CSPP1: variants seen among roughly 807,000 people sequenced by gnomAD.
CSPP1 encodes the protein centrosome and spindle pole associated protein 1.
A neutral mutation model predicts 164.4 loss-of-function variants in CSPP1; 126 were observed. That is an observed-to-expected ratio of 0.77 (90% CI 0.66 to 0.89). The LOEUF is 0.89. CSPP1 is among the 40% of genes least tolerant of loss of function. CSPP1 has a pLI of 0.00. For synonymous variants in CSPP1, 472 were observed against 476.7 expected (o/e 0.99, Z 0.13); for missense variants, 1,395 against 1,449.8 (o/e 0.96, Z 0.61).
At chr8:67,161,537 GCTTTA>G (rs1490311182) in intron 21 of CSPP1, among the ~76,000 whole-genome samples, 2 of 151,428 alleles carry the variant, frequency 1.3e-5, no homozygotes, top group Non-Finnish European at 2.9e-5. Context: ...CTTTTTTGTT[GCTTTA>G]CTTGTGTTTG....
At chr8:67,186,959 AATCT>A (rs1347959989) in intron 28 of CSPP1, among the ~76,000 whole-genome samples, 22 of 148,398 alleles carry the variant, frequency 1.5e-4, no homozygotes, top group African/African-American at 3.0e-4. Flanking sequence ...CTGAGGTATA[AATCT>A]ATCTATCATC....
chr8:67,112,191 ATC>A (rs1220303430), intron 10 of CSPP1, 126 bp downstream of exon 10: 1 of 551,082 alleles, frequency 1.8e-6, no homozygotes, highest in Non-Finnish European at 3.2e-6. Context: ...TTATATTTTC[ATC>A]TCTACATGCT....
intron 7 of CSPP1, among the ~76,000 whole-genome samples, chr8:67,100,481 T>C (rs1813822430): frequency 6.6e-6 from 1 of 152,142 alleles, no homozygotes. Context: ...ACAAGCCCTA[T>C]GTTAATTTTA....
At chr8:67,127,539 C>T (rs1006561862) in intron 15 of CSPP1, among the ~76,000 whole-genome samples, 1 of 152,168 alleles carries the variant, frequency 6.6e-6, no homozygotes, top group Non-Finnish European at 1.5e-5. Context: ...GAATAGTACG[C>T]AGGGCTTTGA....
At chr8:67,194,148 T>TAACA (rs1172553207) in intron 30 of CSPP1, among the ~76,000 whole-genome samples, 3 of 152,156 alleles carry the variant, frequency 2.0e-5, no homozygotes, top group East Asian at 3.9e-4. Flanking sequence ...CTTAGACACC[T>TAACA]AACAAGCTAC....
rs748094749 is a variant in CSPP1 at position 67,103,109 on chromosome 8, A to G, written c.996A>G (p.Ile332Met). ...GGGATGTTATAGAACAGTCAAACATAAGAATTTCATCTGCTGAAAATAAAA... is the reference window on the plus strand; with the variant it reads ...GGGATGTTATAGAACAGTCAAACATGAGAATTTCATCTGCTGAAAATAAAA... ...HDGDVIEQSNIRISSAENKSA... is the reference protein window; with the variant it reads ...HDGDVIEQSNMRISSAENKSA... Residue 332 changes from isoleucine to methionine, a missense_variant, in exon 8 of 31, where the codon ATA becomes ATG. By Grantham distance (10) the Ile-to-Met change is conservative. Transcript: ENST00000678616. 2 of 1,604,042 alleles carry G rather than the reference A, an allele frequency of 1.2e-6. No homozygotes were observed. The highest frequency in any genetic ancestry group is 2.2e-5 in the South Asian group (2 of 90,866).
chr8:67,124,792 C>T (rs192522812), intron 15 of CSPP1, among the ~76,000 whole-genome samples: 2 of 152,234 alleles, frequency 1.3e-5, no homozygotes, highest in Middle Eastern at 3.4e-3. Flanking sequence ...AGGGATCCTC[C>T]CACCTCAGGC....
intron 1 of CSPP1, among the ~76,000 whole-genome samples, chr8:67,065,355 C>A (rs1252225920): frequency 6.6e-6 from 1 of 152,104 alleles, no homozygotes. Context: ...AGGATTAAGA[C>A]GCTTAACTAG....
chr8:67,073,288 A>T (rs943941938), intron 1 of CSPP1, among the ~76,000 whole-genome samples: 1 of 152,208 alleles, frequency 6.6e-6, no homozygotes, highest in African/African-American at 2.4e-5. Flanking sequence ...TCTCTTTGTG[A>T]CACCTTAAAA....
intron 24 of CSPP1, among the ~76,000 whole-genome samples, chr8:67,165,856 G>A (rs947170424): frequency 3.3e-5 from 5 of 152,248 alleles, no homozygotes; most frequent in African/African-American, 1.2e-4. Flanking sequence ...GCACCTGCAA[G>A]AGTGAGAAGG....
At position 67,196,524 on chromosome 8, in the gene CSPP1, TTCTC is replaced by T. The variant is rs982531297; in HGVS notation, c.*937_*940del. Among the ~76,000 whole-genome samples the T allele has an allele frequency of 1.3e-5, 2 of 152,324 alleles. No homozygotes were observed. Among genetic ancestry groups the T allele is most frequent in the East Asian group, 1.9e-4 (1 of 5,186 alleles). On this transcript the variant is annotated 3_prime_UTR_variant, in exon 31 of 31. Transcript: ENST00000678616. ...AGCTGAGAACATCCCCAGGCACTGC[TTCTC>T]TCTCTAATAATACTTCCTCTGATGT... is the stretch of plus-strand genomic sequence containing the variant.
chr8:67,139,128 A>G (rs1301288872), intron 17 of CSPP1, among the ~76,000 whole-genome samples: 2 of 152,218 alleles, frequency 1.3e-5, no homozygotes, highest in African/African-American at 2.4e-5. Flanking sequence ...AGAATCTACA[A>G]TGAACTCAAA....
intron 30 of CSPP1, among the ~76,000 whole-genome samples, chr8:67,193,988 C>G (rs1374843696): frequency 6.6e-6 from 1 of 152,206 alleles, no homozygotes; most frequent in East Asian, 1.9e-4. Context: ...ATTTGCAGTA[C>G]TACAAAGAAA....
chr8:67,192,882 G>A (rs1836778388), intron 29 of CSPP1, among the ~76,000 whole-genome samples: 1 of 152,120 alleles, frequency 6.6e-6, no homozygotes, highest in Non-Finnish European at 1.5e-5. Context: ...ACACTGTCTT[G>A]ATTATAGCTG....
intron 1 of CSPP1, among the ~76,000 whole-genome samples, chr8:67,067,266 G>A (rs1303141302): frequency 6.6e-6 from 1 of 152,152 alleles, no homozygotes; most frequent in Non-Finnish European, 1.5e-5. Context: ...ACTGGGTTCT[G>A]TTTGTTTATT....
At chr8:67,081,216 G>A (rs2129542546) in intron 3 of CSPP1, 1 of 131,434 alleles carries the variant, frequency 7.6e-6, no homozygotes, top group Admixed American at 7.4e-5. Flanking sequence ...AACCCACTAG[G>A]GGCTCACAAT....
At chr8:67,064,377 A>C (rs373932391), upstream of CSPP1, 202 of 1,609,696 alleles carry the variant, frequency 1.3e-4, no homozygotes, top group Non-Finnish European at 1.7e-4. Flanking sequence ...TGAGGGGCGG[A>C]GCCCCGGCCC....
chr8:67,159,233 AGGTG>A, intron 21 of CSPP1, 96 bp downstream of exon 21: 7 of 1,196,474 alleles, frequency 5.9e-6, no homozygotes, highest in Non-Finnish European at 8.3e-6. Flanking sequence ...AAAGAGGAGG[AGGTG>A]CTTTTGTTCC....
Position 67,095,322 on chromosome 8 carries a change from T to A in CSPP1, c.513T>A (p.Ile171=), listed in dbSNP as rs1308150996. The change falls in exon 7 of 31, where the codon ATT becomes ATA. Residue 171 remains isoleucine (I), a synonymous_variant. Transcript: ENST00000678616. ...AGAGTCAGAGAAATAAAAAACCTATTGGTCAAGTTAAGCCTGATCTAACTT... is the reference window on the plus strand; with the variant it reads ...AGAGTCAGAGAAATAAAAAACCTATAGGTCAAGTTAAGCCTGATCTAACTT... The part of the protein sequence containing the change: ...EPKSQRNKKP[I]GQVKPDLTSQ... The A allele has an allele frequency of 1.9e-6, 3 of 1,574,138 alleles. No individual in the cohort carries two copies. Among genetic ancestry groups the A allele is most frequent in the Non-Finnish European group, 2.6e-6 (3 of 1,168,524 alleles).
Sources: gnomAD v4.1 joint callset for allele counts (sites outside exome capture counted in the v4.1 genomes callset) on GRCh38, gnomAD v4.1.1 for gene constraint, MANE v1.5 for transcripts, NCBI Gene and HGNC (gene_info 2026-07-23, HGNC 2026-07-21) for gene names.